AGBL4: variants seen among roughly 807,000 people sequenced by gnomAD.
AGBL4 encodes cytosolic carboxypeptidase 6.
Under a neutral mutation model 66.4 loss-of-function variants are expected in AGBL4, and 58 were observed. That is an observed-to-expected ratio of 0.87 (90% CI 0.71 to 1.09). The LOEUF (loss-of-function observed/expected upper bound fraction) is 1.09. Among genes scored for constraint, AGBL4 ranks in the 50% least tolerant of loss-of-function variants. The pLI is 0.00. For missense variants in AGBL4, 579 were observed against 631.0 expected (o/e 0.92, Z 0.88); for synonymous variants, 234 against 222.9 (o/e 1.05, Z -0.44).
At chr1:49,271,516 G>GCACACACACACACA (rs57311875) in intron 3 of AGBL4, among the ~76,000 whole-genome samples, 30 of 144,298 alleles carry the variant, frequency 2.1e-4, no homozygotes, top group African/African-American at 6.8e-4. Flanking sequence ...TTAAAAGATA[G>GCACACACACACACA]CACACACACA....
intron 4 of AGBL4, among the ~76,000 whole-genome samples, chr1:49,195,814 C>T (rs1647226011): frequency 2.0e-5 from 3 of 152,070 alleles, no homozygotes; most frequent in Admixed American, 6.6e-5. Flanking sequence ...TGTGTCCCCA[C>T]CCAAATCTCA....
chr1:49,099,565 A>G (rs1423446445), intron 4 of AGBL4, among the ~76,000 whole-genome samples: 1 of 152,158 alleles, frequency 6.6e-6, no homozygotes, highest in Non-Finnish European at 1.5e-5. Flanking sequence ...GTTTCATTTA[A>G]TTACCAGAAT....
intron 1 of AGBL4, among the ~76,000 whole-genome samples, chr1:50,014,127 C>T (rs900604881): frequency 2.6e-5 from 4 of 152,108 alleles, no homozygotes; most frequent in African/African-American, 9.7e-5. Flanking sequence ...AATCCCAACA[C>T]TTTGGGAGGC....
chr1:49,738,553 C>A (rs180997906), intron 2 of AGBL4, among the ~76,000 whole-genome samples: 5 of 152,146 alleles, frequency 3.3e-5, no homozygotes, highest in Admixed American at 6.5e-5. Flanking sequence ...CTTTGAAGAG[C>A]GTAGCTATTC....
At position 48,848,004 on chromosome 1, in the gene AGBL4, C is replaced by T. The variant is rs545105722; in HGVS notation, c.634+19187G>A. On this transcript the variant is annotated intron_variant, in intron 6 of 13. Transcript: ENST00000371839. Reference sequence around the variant, plus strand: ...TCATCAGAAGAACTGCCACTTGTAGCTGCTTCCTGCTCCATACCCTCTTTC... The same window carrying T: ...TCATCAGAAGAACTGCCACTTGTAGTTGCTTCCTGCTCCATACCCTCTTTC... 2.4e-4 allele frequency among the ~76,000 whole-genome samples: 36 copies of T among 152,312 alleles called. 1 individual carries two copies. In the South Asian group the frequency reaches 7.3e-3, roughly 31 times the overall value.
chr1:49,427,019 C>T (rs779367940), intron 3 of AGBL4, among the ~76,000 whole-genome samples: 16 of 152,098 alleles, frequency 1.1e-4, no homozygotes, highest in Non-Finnish European at 1.6e-4. Flanking sequence ...CTCTCGTGAG[C>T]TTACATCCAA....
intron 4 of AGBL4, among the ~76,000 whole-genome samples, chr1:49,183,285 A>G (rs751050048): frequency 6.8e-4 from 103 of 152,182 alleles, no homozygotes; most frequent in Non-Finnish European, 1.3e-3. Flanking sequence ...TTAATTTTGC[A>G]CTAATCAGAA....
intron 6 of AGBL4, among the ~76,000 whole-genome samples, chr1:48,679,075 T>C (rs765068849): frequency 3.3e-5 from 5 of 152,242 alleles, no homozygotes; most frequent in Admixed American, 6.5e-5. Context: ...ACTGAGTTGA[T>C]TGAGGGAAGC....
intron 5 of AGBL4, among the ~76,000 whole-genome samples, chr1:48,922,722 T>C (rs959369165): frequency 6.6e-6 from 1 of 152,226 alleles, no homozygotes; most frequent in African/African-American, 2.4e-5. Context: ...ACATATACTG[T>C]AATGTACTTG....
At chr1:49,320,150 TG>T (rs1226382761) in intron 3 of AGBL4, among the ~76,000 whole-genome samples, 1 of 152,092 alleles carries the variant, frequency 6.6e-6, no homozygotes, top group Admixed American at 6.6e-5. Flanking sequence ...CAGCTGGTCT[TG>T]AACTCCTGGG....
At chr1:48,699,720 G>A (rs1256429158) in intron 6 of AGBL4, among the ~76,000 whole-genome samples, 3 of 152,140 alleles carry the variant, frequency 2.0e-5, no homozygotes, top group Non-Finnish European at 4.4e-5. Context: ...AACCTCAGTT[G>A]TCCACAAAGG....
intron 1 of AGBL4, among the ~76,000 whole-genome samples, chr1:50,006,155 C>T (rs1332448615): frequency 5.9e-5 from 9 of 151,950 alleles, no homozygotes; most frequent in East Asian, 3.9e-4. Context: ...CTGGCTAACA[C>T]GGTGAAACCC....
At chr1:48,610,627 T>C (rs1645223262) in intron 9 of AGBL4, among the ~76,000 whole-genome samples, 1 of 152,232 alleles carries the variant, frequency 6.6e-6, no homozygotes, top group Non-Finnish European at 1.5e-5. Flanking sequence ...ATGTTCCATC[T>C]TCCTTGTCAT....
intron 11 of AGBL4, among the ~76,000 whole-genome samples, chr1:48,572,464 T>G (rs1644581483): frequency 6.7e-6 from 1 of 149,506 alleles, no homozygotes. Flanking sequence ...GGAGGTTGGG[T>G]GGGGGGAGAA....
intron 8 of AGBL4, among the ~76,000 whole-genome samples, chr1:48,640,628 A>G (rs780215200): frequency 6.6e-6 from 1 of 152,218 alleles, no homozygotes; most frequent in Non-Finnish European, 1.5e-5. Context: ...GTCACTTGAC[A>G]ATTAGTAAGA....
At chr1:49,379,805 A>T (rs1372459854) in intron 3 of AGBL4, among the ~76,000 whole-genome samples, 1 of 151,980 alleles carries the variant, frequency 6.6e-6, no homozygotes, top group Non-Finnish European at 1.5e-5. Context: ...GGATTTTTGC[A>T]TCAATGTTCA....
chr1:49,658,397 T>C (rs1160002029), intron 3 of AGBL4, among the ~76,000 whole-genome samples: 1 of 152,220 alleles, frequency 6.6e-6, no homozygotes. Context: ...GGAACACTTT[T>C]ACACTGTTGG....
intron 2 of AGBL4, chr1:49,841,829 C>A: frequency 2.5e-6 from 1 of 407,638 alleles, no homozygotes; most frequent in Non-Finnish European, 4.5e-6. Context: ...ACCGGCACCA[C>A]GGCCTTTGTC....
At chr1:49,883,656 TG>T (rs963611418) in intron 1 of AGBL4, among the ~76,000 whole-genome samples, 9 of 152,214 alleles carry the variant, frequency 5.9e-5, no homozygotes, top group Admixed American at 2.0e-4. Context: ...TACTAACTAT[TG>T]TTTTTTTGCT....
Sources: gnomAD v4.1 joint callset for allele counts (sites outside exome capture counted in the v4.1 genomes callset) on GRCh38, gnomAD v4.1.1 for gene constraint, MANE v1.5 for transcripts, NCBI Gene and HGNC (gene_info 2026-07-23, HGNC 2026-07-21) for gene names.